CCDC33: variants seen among roughly 807,000 people sequenced by gnomAD.
The protein encoded by CCDC33 is coiled-coil domain-containing protein 33.
Under a neutral mutation model 91.9 loss-of-function variants are expected in CCDC33, and 94 were observed. The observed-to-expected ratio is 1.02, with a 90% confidence interval of 0.87 to 1.21. The LOEUF (loss-of-function observed/expected upper bound fraction) is 1.21. Ranked by LOEUF, CCDC33 falls within the 50% of genes most tolerant of loss-of-function variation. The pLI, the probability that CCDC33 is intolerant of heterozygous loss-of-function variation, is 0.00. For synonymous variants in CCDC33, 396 were observed against 374.5 expected, an observed-to-expected ratio of 1.06 and a Z score of -0.66; for missense variants, 940 against 935.5, an observed-to-expected ratio of 1.00 and a Z score of -0.06.
At chr15:74,207,598 A>G in intron 1 of CCDC33, 1 of 1,161,886 alleles carries the variant, frequency 8.6e-7, no homozygotes, top group Non-Finnish European at 1.2e-6. Context: ...CCAATAGTTT[A>G]CAATACTCAA....
chr15:74,291,866 C>T (rs1170412538), intron 10 of CCDC33, among the ~76,000 whole-genome samples: 1 of 152,252 alleles, frequency 6.6e-6, no homozygotes, highest in Non-Finnish European at 1.5e-5. Context: ...CTGCTAACAA[C>T]AGTGAGTGCT....
upstream of CCDC33, among the ~76,000 whole-genome samples, chr15:74,235,256 TC>T (rs761284093): frequency 1.3e-5 from 2 of 152,138 alleles, no homozygotes; most frequent in Non-Finnish European, 2.9e-5. Flanking sequence ...CCTTGGCTGG[TC>T]CTTTCAGTTC....
intron 2 of CCDC33, among the ~76,000 whole-genome samples, chr15:74,223,618 G>A (rs758019084): frequency 2.0e-5 from 3 of 151,484 alleles, no homozygotes; most frequent in South Asian, 2.1e-4. Flanking sequence ...CTACAGGCAC[G>A]TGCCAGAGAT....
intron 11 of CCDC33, among the ~76,000 whole-genome samples, chr15:74,323,243 G>C (rs1163124379): frequency 6.6e-6 from 1 of 152,054 alleles, no homozygotes; most frequent in Non-Finnish European, 1.5e-5. Context: ...TCCCTCTGCA[G>C]ATCCGGAAAC....
intron 11 of CCDC33, among the ~76,000 whole-genome samples, chr15:74,318,085 GC>G (rs1410776262): frequency 3.3e-5 from 5 of 150,456 alleles, no homozygotes; most frequent in Admixed American, 6.6e-5. Context: ...TTGTGCTGCT[GC>G]GGGGTGGGGA....
chr15:74,226,357 A>T (rs2074796356), intron 2 of CCDC33, among the ~76,000 whole-genome samples: 1 of 152,164 alleles, frequency 6.6e-6, no homozygotes, highest in South Asian at 2.1e-4. Context: ...TGGGCCTCAA[A>T]TTCCTCATCT....
In CCDC33 at chr15:74,272,832, C is replaced by T. The variant is rs2076356029; in HGVS notation, c.700C>T (p.Pro234Ser). ...GCTGCCCATCACCCCACTGTCCTTC[C>T]CTATCCCGTCCATGATGAACTTTGA... ...VGLPITPLSF[P>S]IPSMMNFDVP... Residue 234 changes from proline (P) to serine (S), a missense_variant, in exon 7 of 19, where the codon CCT becomes TCT. Transcript: ENST00000398814. The T allele has an allele frequency of 6.2e-7, 1 of 1,614,232 alleles. No individual in the cohort carries two copies.
At chr15:74,287,249 G>C (rs1290768403) in intron 10 of CCDC33, among the ~76,000 whole-genome samples, 1 of 152,174 alleles carries the variant, frequency 6.6e-6, no homozygotes, top group Non-Finnish European at 1.5e-5. Context: ...TGAAGGCTCT[G>C]TTCCCACCCC....
intron 1 of CCDC33, among the ~76,000 whole-genome samples, chr15:74,239,861 A>G (rs2075291893): frequency 6.6e-6 from 1 of 152,150 alleles, no homozygotes; most frequent in South Asian, 2.1e-4. Context: ...CCAGTTCCCT[A>G]CCACTCATGT....
At chr15:74,206,211 G>A (rs2074258191) in intron 1 of CCDC33, among the ~76,000 whole-genome samples, 2 of 152,154 alleles carry the variant, frequency 1.3e-5, no homozygotes, top group Admixed American at 1.3e-4. Flanking sequence ...CCTCCCACCT[G>A]CCCCCTCCTG....
At chr15:74,317,887 GTTTTTT>G (rs71137385) in intron 11 of CCDC33, among the ~76,000 whole-genome samples, 3,638 of 110,362 alleles carry the variant, frequency 0.033, 59 homozygotes, top group African/African-American at 0.071. Context: ...GTTTGGGTTT[GTTTTTT>G]TTTTTTTTTT....
chr15:74,335,218 C>T, intron 18 of CCDC33, 130 bp downstream of exon 18: 1 of 795,280 alleles, frequency 1.3e-6, no homozygotes, highest in South Asian at 1.3e-5. Flanking sequence ...GTCAGGAGTC[C>T]TAGGCTCCCA....
At chr15:74,313,608 C>T (rs905656665) in intron 11 of CCDC33, among the ~76,000 whole-genome samples, 23 of 151,774 alleles carry the variant, frequency 1.5e-4, no homozygotes, top group Non-Finnish European at 3.1e-4. Flanking sequence ...TTGGTAGAGA[C>T]GGGGTTTCGC....
intron 17 of CCDC33, among the ~76,000 whole-genome samples, chr15:74,334,556 C>T (rs1311170391): frequency 3.2e-5 from 4 of 126,712 alleles, no homozygotes; most frequent in Admixed American, 7.9e-5. Context: ...CCAGAGTCAG[C>T]GTTCAGTGTG....
rs199988781 is a variant in CCDC33, at chr15:74,332,810, C to T, written c.1903C>T (p.Gln635Ter). ...GGAGCTGGATAAGAACCGCCACCAG[C>T]AGGCCCCCATCATTCTGCAGCAACA... Reference protein sequence around the residue: ...RTELDKNRHQQAPIILQQQAL... With the variant: ...RTELDKNRHQ The change falls in exon 16 of 19, where the codon CAG becomes TAG. Residue 635 changes from glutamine (Q) to a stop codon, truncating the protein, a stop_gained. Transcript: ENST00000398814. LOFTEE classifies it high-confidence loss of function. The T allele has an allele frequency of 2.5e-6, 4 of 1,614,044 alleles. No individual in the cohort carries two copies. In the African/African-American group the frequency reaches 5.3e-5, roughly 22 times the overall value.
At chr15:74,290,592 C>G (rs778047295) in intron 10 of CCDC33, among the ~76,000 whole-genome samples, 2 of 152,258 alleles carry the variant, frequency 1.3e-5, no homozygotes, top group East Asian at 3.9e-4. Flanking sequence ...AGCTCTGTTC[C>G]AAATAGTGGG....
chr15:74,310,372 A>G (rs1372616211), intron 11 of CCDC33, among the ~76,000 whole-genome samples: 1 of 152,004 alleles, frequency 6.6e-6, no homozygotes, highest in Non-Finnish European at 1.5e-5. Flanking sequence ...CCCCGTTTCT[A>G]CTAAAAATAC....
intron 18 of CCDC33, 21 bp from the exon 19 acceptor site, chr15:74,335,904 A>G: frequency 2.5e-6 from 4 of 1,603,404 alleles, no homozygotes; most frequent in Non-Finnish European, 3.4e-6. Flanking sequence ...GTACTCACGC[A>G]CCCCGCTTTG....
At chr15:74,275,841 G>T (rs2076435503) in intron 7 of CCDC33, among the ~76,000 whole-genome samples, 1 of 152,128 alleles carries the variant, frequency 6.6e-6, no homozygotes, top group Non-Finnish European at 1.5e-5. Flanking sequence ...AGCTAATTTT[G>T]TATATTTAGT....
Sources: gnomAD v4.1 joint callset for allele counts (sites outside exome capture counted in the v4.1 genomes callset) on GRCh38, gnomAD v4.1.1 for gene constraint, MANE v1.5 for transcripts, NCBI Gene and HGNC (gene_info 2026-07-23, HGNC 2026-07-21) for gene names.